The following IFNAR1 variants were observed in gnomAD, a reference collection of about 807,000 sequenced individuals.
The protein encoded by IFNAR1 is interferon alpha and beta receptor subunit 1, also known as interferon alpha/beta receptor 1.
In IFNAR1, 47 loss-of-function variants were observed where a neutral mutation model predicts 62.1. The observed-to-expected ratio is 0.76, with a 90% CI of 0.60 to 0.97. The LOEUF is 0.97. Ranked by LOEUF, IFNAR1 falls within the 50% of genes least tolerant of loss-of-function variation. The probability of loss-of-function intolerance (pLI) is 0.00; values close to 1 mark genes in which losing one functional copy is unlikely to be tolerated. For missense variants in IFNAR1, 638 were observed against 654.5 expected (o/e 0.97, Z 0.27); for synonymous variants, 219 against 226.9 (o/e 0.97, Z 0.31).
chr21:33,349,510 A>T lies in IFNAR1; in HGVS notation c.1110A>T (p.Glu370Asp). The T allele has an allele frequency of 6.2e-7, 1 of 1,610,970 alleles. No individual in the cohort carries two copies. The highest frequency in any genetic ancestry group is 1.7e-4 in the Middle Eastern group (1 of 6,050). The change falls in exon 8 of 11, where the codon GAA becomes GAT. Residue 370 changes from glutamate (E) to aspartate (D), a missense_variant. Transcript: ENST00000270139. ...PVIQDYPLIYEIIFWENTSNA... is the reference protein window; with the variant it reads ...PVIQDYPLIYDIIFWENTSNA... ...TCCAGGATTATCCACTGATTTATGA[A>T]ATTATTTTTTGGGAAAACACTTCAA... is the stretch of plus-strand genomic sequence containing the variant.
chr21:33,328,741 A>G (rs1703611141), intron 1 of IFNAR1, among the ~76,000 whole-genome samples: 1 of 152,206 alleles, frequency 6.6e-6, no homozygotes, highest in South Asian at 2.1e-4. Context: ...ATTTGGATTT[A>G]TGTCAGACTT....
chr21:33,338,331 G>A (rs1176326641), intron 2 of IFNAR1, among the ~76,000 whole-genome samples: 1 of 152,040 alleles, frequency 6.6e-6, no homozygotes, highest in African/African-American at 2.4e-5. Flanking sequence ...TCAGGAGTTC[G>A]AGACCAGCCT....
At chr21:33,326,643 A>G (rs2083129585) in intron 1 of IFNAR1, among the ~76,000 whole-genome samples, 1 of 152,178 alleles carries the variant, frequency 6.6e-6, no homozygotes, top group African/African-American at 2.4e-5. Flanking sequence ...CAGATGGCTG[A>G]GTCTTTTTAT....
At position 33,358,029 on chromosome 21, in the gene IFNAR1, G is replaced by A. The variant is rs2083465478; in HGVS notation, c.*2480G>A. 1 of 152,196 alleles carries A rather than the reference G, an allele frequency of 6.6e-6. No homozygotes were observed. The highest frequency in any genetic ancestry group is 2.4e-5 in the African/African-American group (1 of 41,430). 9.4% of individuals were successfully genotyped at this position (152,196 alleles called of 1,614,324 possible). A position where few individuals can be genotyped will look rare whatever the true frequency, so the allele number is the denominator to read the frequency against. ...CCTAAAAAGGAGCAATGCCCTTGTA[G>A]GATGTGGAGAAGGGAAAATACGGAC... is the stretch of plus-strand genomic sequence containing the variant. On this transcript the variant is annotated 3_prime_UTR_variant, in exon 11 of 11. Transcript: ENST00000270139.
In IFNAR1 at chr21:33,337,383, G is replaced by T. The variant is rs1007155382; in HGVS notation, c.200+1736G>T. Among the ~76,000 whole-genome samples the T allele has an allele frequency of 4.6e-5, 7 of 152,036 alleles. No individual in the cohort carries two copies. In the South Asian group the frequency reaches 1.5e-3, roughly 32 times the overall value. ...AAGGAGGAATATAGAAGGGAACACA[G>T]ATCAGGAAGTACAGTACTTTGCCTT... On this transcript the variant is annotated intron_variant, in intron 2 of 10. Transcript: ENST00000270139.
chr21:33,336,619 G>A (rs1300230207), intron 2 of IFNAR1, among the ~76,000 whole-genome samples: 1 of 152,120 alleles, frequency 6.6e-6, no homozygotes, highest in African/African-American at 2.4e-5. Context: ...CTGAGCTAGG[G>A]TATATCTTGA....
chr21:33,352,623 A>G, intron 8 of IFNAR1, 135 bp from the exon 9 acceptor site: 1 of 522,880 alleles, frequency 1.9e-6, no homozygotes, highest in Non-Finnish European at 3.4e-6. Context: ...AAACAAAACA[A>G]AACAAAACAA....
upstream of IFNAR1, chr21:33,324,754 A>C: frequency 2.1e-6 from 1 of 471,386 alleles, no homozygotes; most frequent in Non-Finnish European, 3.9e-6. Context: ...GAAGAAGAGA[A>C]TGCAGGAGGC....
At position 33,357,929 on chromosome 21, in the gene IFNAR1, C is replaced by T. The variant is rs2083464380; in HGVS notation, c.*2380C>T. 6.6e-6 allele frequency: 1 copy of T among 152,256 alleles called. No homozygotes were observed. Among genetic ancestry groups the T allele is most frequent in the African/African-American group, 2.4e-5 (1 of 41,444 alleles). The allele number at this position is 152,256 out of a possible 1,614,324, so 9.4% of individuals were successfully genotyped here. ...CCTGCCACCATTGCTTTTCAGACTA[C>T]CACAACTCAATCATGCTGTCCAGGA... On this transcript the variant is annotated 3_prime_UTR_variant, in exon 11 of 11. Transcript: ENST00000270139.
At chr21:33,342,142 C>T (rs1255890845) in intron 3 of IFNAR1, among the ~76,000 whole-genome samples, 1 of 152,086 alleles carries the variant, frequency 6.6e-6, no homozygotes, top group Non-Finnish European at 1.5e-5. Context: ...AGTGTAGTGG[C>T]CCACACCTGT....
intron 8 of IFNAR1, among the ~76,000 whole-genome samples, chr21:33,352,517 C>T (rs1272920804): frequency 3.3e-5 from 5 of 152,136 alleles, no homozygotes; most frequent in South Asian, 2.1e-4. Flanking sequence ...GCAGGAGAAT[C>T]GCTTGAACCC....
In IFNAR1 at chr21:33,325,217, G is replaced by A. The variant is rs1231804748; in HGVS notation, c.76+86G>A. The A allele has an allele frequency of 2.6e-6, 3 of 1,154,714 alleles. No individual in the cohort carries two copies. In the East Asian group the frequency reaches 7.4e-5, roughly 28 times the overall value. The allele number at this position is 1,154,714 out of a possible 1,614,324, so 71.5% of individuals were successfully genotyped here. A position where few individuals can be genotyped will look rare whatever the true frequency, so the allele number is the denominator to read the frequency against. On this transcript the variant is annotated intron_variant, in intron 1 of 10. Coordinates refer to ENST00000270139, the MANE Select transcript of IFNAR1 (RefSeq NM_000629.3). ...CGGGGGCGGCGATGCTGTTGGGGGCGACAGACGCCCAGTCTGGGAAACCTT... is the reference window on the plus strand; with the variant it reads ...CGGGGGCGGCGATGCTGTTGGGGGCAACAGACGCCCAGTCTGGGAAACCTT...
rs1445170001 is a variant in IFNAR1 at position 33,336,524 on chromosome 21, G to A, written c.200+877G>A. The stretch of plus-strand genomic sequence containing the variant: ...ACTGACTTCCACAATGGTTGAACTA[G>A]TTTACAGTCCCACCAACAGTGTAAA... On this transcript the variant is annotated intron_variant, in intron 2 of 10. Coordinates refer to ENST00000270139, the MANE Select transcript of IFNAR1 (RefSeq NM_000629.3). Among the ~76,000 whole-genome samples the A allele has an allele frequency of 2.0e-5, 3 of 151,210 alleles. No homozygotes were observed. The South Asian group carries it at 6.3e-4, about 32-fold the overall frequency.
rs562998490 is a variant in IFNAR1 at position 33,336,747 on chromosome 21, CTT to C, written c.200+1120_200+1121del. Reference sequence around the variant, plus strand: ...ATACTATATTTTAATTTTAGGTACACTTTTTTTTTTTTTTTTTTTTTGAGGTG... The same window carrying C: ...ATACTATATTTTAATTTTAGGTACACTTTTTTTTTTTTTTTTTTTGAGGTG... On this transcript the variant is annotated intron_variant, in intron 2 of 10. Coordinates refer to ENST00000270139, the MANE Select transcript of IFNAR1 (RefSeq NM_000629.3). 0.015 allele frequency among the ~76,000 whole-genome samples: 1,375 copies of C among 92,682 alleles called. 30 individuals carry two copies. The East Asian group carries it at 0.16, about 11-fold the overall frequency. 60.8% of individuals were successfully genotyped at this position (92,682 alleles called of 152,430 possible).
chr21:33,338,561 A>G (rs1431690522), intron 2 of IFNAR1, among the ~76,000 whole-genome samples: 3 of 146,024 alleles, frequency 2.1e-5, no homozygotes, highest in Non-Finnish European at 4.4e-5. Context: ...ACAAATATTG[A>G]ATATATTTCA....
intron 1 of IFNAR1, chr21:33,335,020 C>T: frequency 1.4e-6 from 2 of 1,465,012 alleles, no homozygotes; most frequent in Middle Eastern, 3.6e-4. Context: ...TGGCACTGGT[C>T]AATTATTTGT....
At position 33,324,986 on chromosome 21, in the gene IFNAR1, G is replaced by C; in HGVS notation, c.-70G>C. The stretch of plus-strand genomic sequence containing the variant: ...CAGAGGGGCGGTGTGACTTAGGACG[G>C]GGCGATGGCGGCTGAGAGGAGCTGC... On this transcript the variant is annotated 5_prime_UTR_variant, in exon 1 of 11. Coordinates refer to ENST00000270139, the MANE Select transcript of IFNAR1 (RefSeq NM_000629.3). The C allele has an allele frequency of 1.4e-6, 2 of 1,405,298 alleles. No individual in the cohort carries two copies. Among genetic ancestry groups the C allele is most frequent in the Non-Finnish European group, 2.0e-6 (2 of 1,016,528 alleles). The allele number at this position is 1,405,298 out of a possible 1,614,324, so 87.1% of individuals were successfully genotyped here. A position where few individuals can be genotyped will look rare whatever the true frequency, so the allele number is the denominator to read the frequency against.
At chr21:33,333,959 T>C (rs56054679) in intron 1 of IFNAR1, among the ~76,000 whole-genome samples, 1 of 152,262 alleles carries the variant, frequency 6.6e-6, no homozygotes, top group Non-Finnish European at 1.5e-5. Context: ...AAGACACATA[T>C]AAACTGAAAT....
chr21:33,345,958 C>T lies in IFNAR1; in HGVS notation c.788+598C>T, dbSNP rs528436753. Among the ~76,000 whole-genome samples, 133 of 152,350 alleles carry T rather than the reference C, an allele frequency of 8.7e-4. 1 individual carries two copies. The highest frequency in any genetic ancestry group is 2.4e-3 in the Admixed American group (37 of 15,300). On this transcript the variant is annotated intron_variant, in intron 6 of 10. Coordinates refer to ENST00000270139, the MANE Select transcript of IFNAR1 (RefSeq NM_000629.3). ...AACTGGCCTGGTGCAGTGGCGCATG[C>T]CTATCGTCCCAGCTACTCAGTGGGC...
Sources: gnomAD v4.1 joint callset for allele counts (sites outside exome capture counted in the v4.1 genomes callset) on GRCh38, gnomAD v4.1.1 for gene constraint, MANE v1.5 for transcripts, NCBI Gene and HGNC (gene_info 2026-07-23, HGNC 2026-07-21) for gene names.